Variants in GRIA2 observed in about 807,000 individuals in gnomAD.
The protein encoded by GRIA2 is glutamate ionotropic receptor AMPA type subunit 2.
Under a neutral mutation model 97.3 loss-of-function variants are expected in GRIA2, and 14 were observed. The observed-to-expected ratio is 0.14, with a 90% CI of 0.10 to 0.23. The LOEUF (loss-of-function observed/expected upper bound fraction) is 0.23. Among genes scored for constraint, GRIA2 ranks in the 10% least tolerant of loss-of-function variants. The pLI is 1.00. For missense variants in GRIA2, 558 were observed against 1,069.8 expected (o/e 0.52, Z 6.67); for synonymous variants, 412 against 387.8 (o/e 1.06, Z -0.73).
intron 5 of GRIA2, among the ~76,000 whole-genome samples, chr4:157,320,649 G>T (rs1322338539): frequency 6.6e-6 from 1 of 152,020 alleles, no homozygotes; most frequent in African/African-American, 2.4e-5. Flanking sequence ...GTTTTGGGGT[G>T]TGGTAATTCA....
intron 2 of GRIA2, among the ~76,000 whole-genome samples, chr4:157,237,679 C>G (rs1329169435): frequency 6.6e-6 from 1 of 152,006 alleles, no homozygotes; most frequent in Non-Finnish European, 1.5e-5. Flanking sequence ...GTATTACAAG[C>G]AAAGAGATGT....
chr4:157,345,845 C>A (rs1735741791), intron 12 of GRIA2, among the ~76,000 whole-genome samples: 2 of 152,082 alleles, frequency 1.3e-5, no homozygotes, highest in African/African-American at 4.8e-5. Flanking sequence ...AAATTCTAAA[C>A]ATTGCATTGC....
intron 12 of GRIA2, among the ~76,000 whole-genome samples, chr4:157,345,598 T>A (rs570439750): frequency 6.6e-6 from 1 of 152,272 alleles, no homozygotes; most frequent in South Asian, 2.1e-4. Context: ...ATATGCAGTA[T>A]GTTACTACAG....
In GRIA2 at chr4:157,252,584, T is replaced by C. The variant is rs1472651060; in HGVS notation, c.229+30777T>C. On this transcript the variant is annotated intron_variant, in intron 2 of 15. Coordinates refer to ENST00000264426, the MANE Select transcript of GRIA2 (RefSeq NM_001083619.3). The stretch of plus-strand genomic sequence containing the variant: ...TATTGAGGAAAATAATATTTTGATA[T>C]TGTATAATGAATTATGGCAACATTT... Among the ~76,000 whole-genome samples, 8 of 152,094 alleles carry C rather than the reference T, an allele frequency of 5.3e-5. No individual in the cohort carries two copies. The South Asian group carries it at 1.7e-3, about 31-fold the overall frequency.
chr4:157,297,520 AT>A (rs1733403161), intron 2 of GRIA2, among the ~76,000 whole-genome samples: 1 of 152,128 alleles, frequency 6.6e-6, no homozygotes, highest in African/African-American at 2.4e-5. Flanking sequence ...GGTAGGTAAT[AT>A]TTTTATCGTT....
intron 2 of GRIA2, among the ~76,000 whole-genome samples, chr4:157,223,275 G>T (rs1436527205): frequency 1.3e-5 from 2 of 152,230 alleles, no homozygotes; most frequent in Non-Finnish European, 2.9e-5. Context: ...GGGGCATTGT[G>T]TGGTAATTTA....
chr4:157,312,624 A>G, intron 3 of GRIA2, 55 bp from the exon 4 acceptor site: 2 of 969,128 alleles, frequency 2.1e-6, no homozygotes, highest in Non-Finnish European at 3.0e-6. Flanking sequence ...TTCATAACAC[A>G]ATCCTGAGTT....
At chr4:157,358,117 A>G (rs1736472327) in intron 12 of GRIA2, among the ~76,000 whole-genome samples, 1 of 152,156 alleles carries the variant, frequency 6.6e-6, no homozygotes, top group Non-Finnish European at 1.5e-5. Flanking sequence ...ACATTACAAA[A>G]AAACTTTGAG....
At position 157,321,431 on chromosome 4, in the gene GRIA2, T is replaced by G; in HGVS notation, c.721-7T>G. The G allele has an allele frequency of 6.3e-7, 1 of 1,598,016 alleles. No homozygotes were observed. On this transcript the variant is annotated splice_polypyrimidine_tract_variant and splice_region_variant and intron_variant, in intron 5 of 15. Transcript: ENST00000264426. ...AAAAGCGTGATATCAATGTGTTCTATGTTTAGGGATTTACTGATGGAGACC... is the reference window on the plus strand; with the variant it reads ...AAAAGCGTGATATCAATGTGTTCTAGGTTTAGGGATTTACTGATGGAGACC...
rs35080512 is a variant in GRIA2 at position 157,322,242 on chromosome 4, AGTGTGTGTGT to A, written c.882+674_882+683del. Among the ~76,000 whole-genome samples, 1,205 of 137,240 alleles carry A rather than the reference AGTGTGTGTGT, an allele frequency of 8.8e-3. 12 individuals are homozygous for A. Among genetic ancestry groups the A allele is most frequent in the African/African-American group, 0.03 (1,118 of 37,420 alleles). The allele number at this position is 137,240 out of a possible 152,430, so 90.0% of individuals were successfully genotyped here. ...GAGAGAGTGAGAAAGAGAGAGAGAG[AGTGTGTGTGT>A]GTGTGTGTGTGTGTGTGTGTGTGTG... On this transcript the variant is annotated intron_variant, in intron 6 of 15. Coordinates refer to ENST00000264426, the MANE Select transcript of GRIA2 (RefSeq NM_001083619.3).
chr4:157,275,818 T>G (rs528202713), intron 2 of GRIA2, among the ~76,000 whole-genome samples: 14 of 152,126 alleles, frequency 9.2e-5, no homozygotes, highest in African/African-American at 2.6e-4. Context: ...CTCCAGCTTT[T>G]TTCTTTTGGC....
At chr4:157,296,725 A>G (rs1733365452) in intron 2 of GRIA2, among the ~76,000 whole-genome samples, 1 of 152,086 alleles carries the variant, frequency 6.6e-6, no homozygotes, top group Admixed American at 6.6e-5. Flanking sequence ...GATGGAGTTC[A>G]TAATTAGGGA....
rs74352837 is a variant in GRIA2 at position 157,220,999 on chromosome 4, G to GA, written c.-35dup. 1.6e-3 allele frequency: 1,507 copies of GA among 937,818 alleles called. No homozygotes were observed. Among genetic ancestry groups the GA allele is most frequent in the Non-Finnish European group, 2.1e-3 (1,181 of 574,486 alleles). 58.1% of individuals were successfully genotyped at this position (937,818 alleles called of 1,614,324 possible). A position where few individuals can be genotyped will look rare whatever the true frequency, so the allele number is the denominator to read the frequency against. ...GCCAAAGAAGGAAGAGGAGGAAAAG[G>GA]AAAAAAAAAGGGGTATATTGTGGAT... is the stretch of plus-strand genomic sequence containing the variant. On this transcript the variant is annotated 5_prime_UTR_variant, in exon 1 of 16. Coordinates refer to ENST00000264426, the MANE Select transcript of GRIA2 (RefSeq NM_001083619.3).
chr4:157,274,237 A>G (rs1732172728), intron 2 of GRIA2, among the ~76,000 whole-genome samples: 1 of 152,090 alleles, frequency 6.6e-6, no homozygotes, highest in South Asian at 2.1e-4. Context: ...TTCCTCATCA[A>G]GAAAGAAAAT....
chr4:157,322,117 A>G (rs768589077), intron 6 of GRIA2, among the ~76,000 whole-genome samples: 1 of 152,082 alleles, frequency 6.6e-6, no homozygotes, highest in Non-Finnish European at 1.5e-5. Context: ...TTAAAGAACA[A>G]TAGGTGTCAG....
At chr4:157,289,775 A>G (rs1733012137) in intron 2 of GRIA2, among the ~76,000 whole-genome samples, 1 of 151,904 alleles carries the variant, frequency 6.6e-6, no homozygotes. Context: ...CTACAAGTTT[A>G]TATATTAAAA....
chr4:157,317,831 C>G (rs141883246), intron 5 of GRIA2, 120 bp downstream of exon 5: 283 of 532,962 alleles, frequency 5.3e-4, no homozygotes, highest in African/African-American at 5.2e-3. Context: ...TTGTAATTAG[C>G]CAGGTGTAGT....
chr4:157,360,791 A>T, intron 13 of GRIA2: 1 of 610,330 alleles, frequency 1.6e-6, no homozygotes. Flanking sequence ...CCATATTAGC[A>T]CTCTTTCCTT....
intron 12 of GRIA2, among the ~76,000 whole-genome samples, chr4:157,355,954 TA>T (rs1177844450): frequency 2.3e-5 from 1 of 43,548 alleles, no homozygotes; most frequent in African/African-American, 7.0e-5. Context: ...TATATATTTA[TA>T]TATTTATGTA....
Sources: gnomAD v4.1 joint callset for allele counts (sites outside exome capture counted in the v4.1 genomes callset) on GRCh38, gnomAD v4.1.1 for gene constraint, MANE v1.5 for transcripts, NCBI Gene and HGNC (gene_info 2026-07-23, HGNC 2026-07-21) for gene names.